Variants in PRKN observed in about 807,000 individuals in gnomAD.
PRKN encodes the protein parkin RBR E3 ubiquitin protein ligase, also known as E3 ubiquitin-protein ligase parkin.
Under a neutral mutation model 59.5 loss-of-function variants are expected in PRKN, and 56 were observed. The observed-to-expected ratio is 0.94, with a 90% CI of 0.76 to 1.18. The LOEUF is 1.18. Ranked by LOEUF, PRKN falls within the 50% of genes most tolerant of loss-of-function variation. PRKN has a pLI of 0.00. For missense variants in PRKN, 657 were observed against 596.4 expected (o/e 1.10, Z -1.06); for synonymous variants, 250 against 222.1 (o/e 1.13, Z -1.12).
chr6:161,903,490 C>T lies in PRKN; in HGVS notation c.734+69812G>A, dbSNP rs138587692. Among the ~76,000 whole-genome samples the T allele has an allele frequency of 1.1e-3, 174 of 152,244 alleles. 1 individual carries two copies. Among genetic ancestry groups the T allele is most frequent in the African/African-American group, 3.9e-3 (164 of 41,550 alleles). On this transcript the variant is annotated intron_variant, in intron 6 of 11. Coordinates refer to ENST00000366898, the MANE Select transcript of PRKN (RefSeq NM_004562.3). ...GGACCTTCGTTTCTGAGCTGACAGC[C>T]GCCATCTACCTCCATGCAGCCTCTG...
At chr6:161,508,476 C>T (rs2115324286) in intron 9 of PRKN, among the ~76,000 whole-genome samples, 1 of 152,234 alleles carries the variant, frequency 6.6e-6, no homozygotes, top group South Asian at 2.1e-4. Context: ...AGGGTCAGTC[C>T]TTATGGCTCC....
intron 6 of PRKN, among the ~76,000 whole-genome samples, chr6:161,820,420 T>A (rs1245714013): frequency 6.6e-6 from 1 of 150,594 alleles, no homozygotes; most frequent in East Asian, 1.9e-4. Context: ...AAGATGTTTA[T>A]TACAAATAAT....
chr6:161,908,465 G>C (rs1233562601), intron 6 of PRKN, among the ~76,000 whole-genome samples: 2 of 152,074 alleles, frequency 1.3e-5, no homozygotes, highest in Non-Finnish European at 2.9e-5. Context: ...CTGTATTCTG[G>C]ATATTTAATG....
chr6:162,524,109 A>G (rs2128194371), intron 1 of PRKN, among the ~76,000 whole-genome samples: 1 of 152,356 alleles, frequency 6.6e-6, no homozygotes, highest in Admixed American at 6.5e-5. Context: ...GATTAAATGA[A>G]AAACAAATAT....
chr6:162,487,357 T>C (rs1332469731), intron 1 of PRKN, among the ~76,000 whole-genome samples: 2 of 152,118 alleles, frequency 1.3e-5, no homozygotes, highest in Admixed American at 6.5e-5. Context: ...GTTTGTTCCT[T>C]GAGAAGGAAG....
intron 2 of PRKN, among the ~76,000 whole-genome samples, chr6:162,316,386 T>G (rs889333534): frequency 3.3e-5 from 5 of 152,170 alleles, no homozygotes; most frequent in African/African-American, 1.2e-4. Flanking sequence ...CAGCTGAATA[T>G]CTCCCTAAAC....
chr6:162,453,858 G>A (rs773650973), intron 1 of PRKN, among the ~76,000 whole-genome samples: 14 of 152,054 alleles, frequency 9.2e-5, no homozygotes, highest in Admixed American at 4.6e-4. Context: ...AACTGAGATC[G>A]CGCCATGGCA....
chr6:161,771,064 C>T (rs1323108514), intron 7 of PRKN, among the ~76,000 whole-genome samples: 5 of 151,368 alleles, frequency 3.3e-5, no homozygotes, highest in Admixed American at 6.6e-5. Flanking sequence ...CAAACTGAGA[C>T]AGTAGTTGAT....
At chr6:161,720,536 G>A (rs1214342013) in intron 7 of PRKN, among the ~76,000 whole-genome samples, 3 of 152,078 alleles carry the variant, frequency 2.0e-5, no homozygotes, top group African/African-American at 7.2e-5. Flanking sequence ...CAGGTGGGCA[G>A]AAGAAAGTCA....
At chr6:161,563,069 G>A (rs1247652463) in intron 8 of PRKN, among the ~76,000 whole-genome samples, 2 of 151,978 alleles carry the variant, frequency 1.3e-5, no homozygotes, top group East Asian at 1.9e-4. Flanking sequence ...GGCACTGGAT[G>A]TGTGCTTTCC....
intron 4 of PRKN, among the ~76,000 whole-genome samples, chr6:162,062,235 A>G (rs1212171813): frequency 6.6e-6 from 1 of 152,208 alleles, no homozygotes; most frequent in Non-Finnish European, 1.5e-5. Flanking sequence ...TGACCACTCA[A>G]GAATAAGCAG....
At chr6:161,680,746 TATATATATATATATATA>T (rs1785295408) in intron 7 of PRKN, among the ~76,000 whole-genome samples, 3 of 8,582 alleles carry the variant, frequency 3.5e-4, no homozygotes, top group Admixed American at 1.6e-3. Flanking sequence ...TATATATATA[TATATATATATATATATA>T]TATATATATA....
At chr6:162,664,269 G>A (rs774585436) in intron 1 of PRKN, among the ~76,000 whole-genome samples, 19 of 152,006 alleles carry the variant, frequency 1.2e-4, no homozygotes, top group African/African-American at 2.2e-4. Context: ...TATACGTACC[G>A]CATTTTCTTT....
chr6:161,786,455 C>A (rs986981937), intron 6 of PRKN, among the ~76,000 whole-genome samples: 1 of 151,732 alleles, frequency 6.6e-6, no homozygotes, highest in African/African-American at 2.4e-5. Context: ...TTAAGGGAAT[C>A]AAAAAAATTT....
chr6:161,750,470 A>G (rs996137366), intron 7 of PRKN, among the ~76,000 whole-genome samples: 4 of 152,104 alleles, frequency 2.6e-5, no homozygotes, highest in Admixed American at 2.0e-4. Context: ...GTGAATAAAT[A>G]TTTTAAGTCA....
Position 161,566,195 on chromosome 6 carries a change from C to A in PRKN, c.933+3160G>T, listed in dbSNP as rs933378015. Among the ~76,000 whole-genome samples, 1 of 152,224 alleles carries A rather than the reference C, an allele frequency of 6.6e-6. No individual in the cohort carries two copies. The highest frequency in any genetic ancestry group is 2.4e-5 in the African/African-American group (1 of 41,452). ...TTGCAGTCTCCCACTCTTTGGTTCACCTCTCACATGAATCCATTCGAGGCA... is the reference window on the plus strand; with the variant it reads ...TTGCAGTCTCCCACTCTTTGGTTCAACTCTCACATGAATCCATTCGAGGCA... On this transcript the variant is annotated intron_variant, in intron 8 of 11. Coordinates refer to ENST00000366898, the MANE Select transcript of PRKN (RefSeq NM_004562.3). The surrounding 1 kb of genome is among the most constrained non-coding windows in gnomAD (Gnocchi z 4.1).
intron 5 of PRKN, among the ~76,000 whole-genome samples, 170 bp from the exon 6 acceptor site, chr6:161,973,587 A>G (rs1264762463): frequency 1.3e-5 from 2 of 152,216 alleles, no homozygotes; most frequent in Non-Finnish European, 2.9e-5. Context: ...ACCTTGTGCC[A>G]AAGTGGTCAA....
Position 161,559,639 on chromosome 6 carries a change from TTC to T in PRKN, c.933+9714_933+9715del, listed in dbSNP as rs1491066973. ...CCTGAATTCAGTATTTTCACCTCTC[TTC>T]TTTCTGCTTATTCTCTAGAAGCTCT... On this transcript the variant is annotated intron_variant, in intron 8 of 11. Transcript: ENST00000366898. Among the ~76,000 whole-genome samples, 172 of 152,250 alleles carry T rather than the reference TTC, an allele frequency of 1.1e-3. 1 individual carries two copies. Among genetic ancestry groups the T allele is most frequent in the African/African-American group, 4.0e-3 (165 of 41,538 alleles).
intron 7 of PRKN, among the ~76,000 whole-genome samples, chr6:161,663,197 A>G (rs1472347332): frequency 1.3e-5 from 2 of 152,122 alleles, no homozygotes; most frequent in Middle Eastern, 3.2e-3. Context: ...TTCTTTATAA[A>G]TTACCCAATC....
Sources: allele counts gnomAD v4.1 joint callset (sites outside exome capture counted in the v4.1 genomes callset), GRCh38; gene constraint gnomAD v4.1.1; non-coding constraint Gnocchi (gnomAD v3.1); transcripts MANE v1.5; gene names NCBI Gene and HGNC (gene_info 2026-07-23, HGNC 2026-07-21).